Variants in ENAH observed in about 807,000 individuals in gnomAD.
ENAH encodes protein enabled homolog.
A neutral mutation model predicts 78.7 loss-of-function variants in ENAH; 23 were observed. The observed-to-expected ratio is 0.29, with a 90% CI of 0.21 to 0.41. The LOEUF (loss-of-function observed/expected upper bound fraction) is 0.41. Among genes scored for constraint, ENAH ranks in the 10% least tolerant of loss-of-function variants. The probability of loss-of-function intolerance (pLI) is 1.00; values close to 1 mark genes in which losing one functional copy is unlikely to be tolerated. For missense variants in ENAH, 544 were observed against 691.0 expected, an observed-to-expected ratio of 0.79 and a Z score of 2.39; for synonymous variants, 226 against 241.0, an observed-to-expected ratio of 0.94 and a Z score of 0.58.
chr1:225,552,274 C>T (rs991171930), intron 3 of ENAH, among the ~76,000 whole-genome samples: 1 of 151,392 alleles, frequency 6.6e-6, no homozygotes, highest in Non-Finnish European at 1.5e-5. Flanking sequence ...GTAGCTGGGA[C>T]TACAGGCGCC....
chr1:225,637,447 T>C (rs1256163850), intron 1 of ENAH, among the ~76,000 whole-genome samples: 3 of 152,156 alleles, frequency 2.0e-5, no homozygotes, highest in Non-Finnish European at 4.4e-5. Context: ...CCTCAAATGA[T>C]CCACCCGCCT....
At chr1:225,518,706 A>C (rs2096441527) in intron 5 of ENAH, among the ~76,000 whole-genome samples, 1 of 152,196 alleles carries the variant, frequency 6.6e-6, no homozygotes, top group Non-Finnish European at 1.5e-5. Flanking sequence ...AATTTTCACT[A>C]ATTTTTCATA....
intron 1 of ENAH, among the ~76,000 whole-genome samples, chr1:225,600,584 A>T (rs1001058002): frequency 6.6e-6 from 1 of 152,078 alleles, no homozygotes; most frequent in Non-Finnish European, 1.5e-5. Flanking sequence ...AAGGCTGAGA[A>T]TAGTAGCTCA....
rs541450114 is a variant in ENAH, at chr1:225,601,635, G to A, written c.6-34221C>T. Among the ~76,000 whole-genome samples the A allele has an allele frequency of 1.1e-4, 17 of 152,096 alleles. No individual in the cohort carries two copies. The East Asian group carries it at 2.7e-3, about 24-fold the overall frequency. On this transcript the variant is annotated intron_variant, in intron 1 of 13. Coordinates refer to ENST00000366843, the MANE Select transcript of ENAH (RefSeq NM_018212.6). Reference sequence around the variant, plus strand: ...GTCAAAGAAATACATCCCAATGGACGGGGATACATTTTTTTTCTCACATAC... The same window carrying A: ...GTCAAAGAAATACATCCCAATGGACAGGGATACATTTTTTTTCTCACATAC...
intron 1 of ENAH, among the ~76,000 whole-genome samples, chr1:225,640,573 G>C (rs188875326): frequency 1.3e-5 from 2 of 152,198 alleles, no homozygotes; most frequent in Non-Finnish European, 2.9e-5. Context: ...AGAGCTTACT[G>C]GTTAAAAACC....
intron 3 of ENAH, among the ~76,000 whole-genome samples, chr1:225,552,066 T>G (rs1209078888): frequency 6.6e-6 from 1 of 151,640 alleles, no homozygotes; most frequent in Non-Finnish European, 1.5e-5. Flanking sequence ...TGGGGTAGGG[T>G]ACATACCTTT....
chr1:225,639,039 T>C (rs561606960), intron 1 of ENAH, among the ~76,000 whole-genome samples: 127 of 152,324 alleles, frequency 8.3e-4, no homozygotes, highest in African/African-American at 2.7e-3. Context: ...CTCTCAATGA[T>C]TGACAGGTTA....
intron 2 of ENAH, among the ~76,000 whole-genome samples, chr1:225,564,436 G>GC (rs2096724602): frequency 6.7e-6 from 1 of 150,250 alleles, no homozygotes; most frequent in Non-Finnish European, 1.5e-5. Context: ...TTACAGGCAT[G>GC]CACCACCATG....
At chr1:225,573,180 C>T (rs1381230576) in intron 1 of ENAH, among the ~76,000 whole-genome samples, 1 of 152,102 alleles carries the variant, frequency 6.6e-6, no homozygotes, top group Non-Finnish European at 1.5e-5. Flanking sequence ...AAGTTGTTAA[C>T]AAATATCAAT....
chr1:225,651,540 G>C (rs1036231358), intron 1 of ENAH, among the ~76,000 whole-genome samples: 1 of 152,170 alleles, frequency 6.6e-6, no homozygotes, highest in Non-Finnish European at 1.5e-5. Context: ...AAAGGTCTTA[G>C]CAACGGTTGG....
chr1:225,499,587 G>C (rs1053636255), intron 12 of ENAH, among the ~76,000 whole-genome samples: 4 of 151,998 alleles, frequency 2.6e-5, no homozygotes, highest in Admixed American at 6.6e-5. Flanking sequence ...CAGGAGAATC[G>C]CTTGAACCCG....
At chr1:225,641,505 A>C (rs1661058418) in intron 1 of ENAH, among the ~76,000 whole-genome samples, 1 of 151,684 alleles carries the variant, frequency 6.6e-6, no homozygotes, top group African/African-American at 2.4e-5. Context: ...TAATTAAAAA[A>C]AACCAATGAG....
chr1:225,595,958 T>G (rs771170605), intron 1 of ENAH, among the ~76,000 whole-genome samples: 3 of 152,228 alleles, frequency 2.0e-5, no homozygotes, highest in Non-Finnish European at 4.4e-5. Context: ...TTAAGCATTT[T>G]TTCTCATTAT....
chr1:225,518,324 C>T (rs2096438150), intron 5 of ENAH, among the ~76,000 whole-genome samples: 2 of 152,162 alleles, frequency 1.3e-5, no homozygotes, highest in Admixed American at 6.5e-5. Context: ...ATTAAAATCA[C>T]ATGAATAGGA....
chr1:225,638,226 A>G (rs1345057116), intron 1 of ENAH, among the ~76,000 whole-genome samples: 2 of 151,988 alleles, frequency 1.3e-5, no homozygotes, highest in African/African-American at 4.8e-5. Flanking sequence ...AAACACCTTG[A>G]AAAAAAAGCA....
intron 1 of ENAH, among the ~76,000 whole-genome samples, chr1:225,651,952 G>C (rs1191229712): frequency 2.0e-5 from 3 of 152,134 alleles, no homozygotes; most frequent in African/African-American, 7.2e-5. Flanking sequence ...AAATAATTTA[G>C]CTCCTGTTTT....
intron 1 of ENAH, among the ~76,000 whole-genome samples, chr1:225,577,110 C>T (rs914663743): frequency 4.6e-5 from 7 of 152,000 alleles, no homozygotes; most frequent in Admixed American, 1.3e-4. Flanking sequence ...GAGTTAAGAC[C>T]CCATCTCAAA....
At chr1:225,593,681 A>T (rs1299562867) in intron 1 of ENAH, among the ~76,000 whole-genome samples, 1 of 152,196 alleles carries the variant, frequency 6.6e-6, no homozygotes, top group Non-Finnish European at 1.5e-5. Context: ...AGCCATAACC[A>T]AAGAGAATTA....
intron 1 of ENAH, among the ~76,000 whole-genome samples, chr1:225,570,170 C>CA (rs397937817): frequency 0.33 from 40,342 of 121,114 alleles, 6,796 homozygotes; most frequent in East Asian, 0.44. Context: ...TGCTCCATCT[C>CA]AAAAAAAAAA....
Sources: allele counts gnomAD v4.1 joint callset (sites outside exome capture counted in the v4.1 genomes callset), GRCh38; gene constraint gnomAD v4.1.1; transcripts MANE v1.5; gene names NCBI Gene and HGNC (gene_info 2026-07-23, HGNC 2026-07-21).